The following CACNA1C variants were observed in gnomAD, a reference collection of about 807,000 sequenced individuals.
The protein encoded by CACNA1C is voltage-dependent L-type calcium channel subunit alpha-1C.
Under a neutral mutation model 229.0 loss-of-function variants are expected in CACNA1C, and 30 were observed. The observed-to-expected ratio is 0.13, with a 90% CI of 0.10 to 0.18. The LOEUF (loss-of-function observed/expected upper bound fraction) is 0.18, where lower values mean the gene tolerates loss of function less well. Ranked by LOEUF, CACNA1C falls within the 10% of genes least tolerant of loss-of-function variation. The pLI is 1.00. For missense variants in CACNA1C, 1,658 were observed against 2,845.0 expected, an observed-to-expected ratio of 0.58 and a Z score of 9.49; for synonymous variants, 1,114 against 1,132.5, an observed-to-expected ratio of 0.98 and a Z score of 0.33.
At chr12:2,281,834 A>C (rs2091357103) in intron 3 of CACNA1C, among the ~76,000 whole-genome samples, 1 of 152,146 alleles carries the variant, frequency 6.6e-6, no homozygotes, top group African/African-American at 2.4e-5. Flanking sequence ...TAAAATTAAA[A>C]TTGATAAATT....
intron 3 of CACNA1C, among the ~76,000 whole-genome samples, chr12:2,203,627 G>A (rs1411976415): frequency 6.6e-6 from 1 of 152,166 alleles, no homozygotes; most frequent in Non-Finnish European, 1.5e-5. Flanking sequence ...GCATTCTTAG[G>A]AGGGTTTTCT....
chr12:2,474,531 G>C (rs1242018413), intron 5 of CACNA1C, among the ~76,000 whole-genome samples: 1 of 152,166 alleles, frequency 6.6e-6, no homozygotes, highest in Non-Finnish European at 1.5e-5. Flanking sequence ...GAGGCAGGCA[G>C]ATCACTTGAG....
chr12:2,272,385 T>C (rs949056345), intron 3 of CACNA1C, among the ~76,000 whole-genome samples: 2 of 152,224 alleles, frequency 1.3e-5, no homozygotes, highest in Non-Finnish European at 2.9e-5. Context: ...CACCATCCTC[T>C]GCCTCCTGCC....
At chr12:2,292,651 G>T (rs771408149) in intron 3 of CACNA1C, among the ~76,000 whole-genome samples, 1 of 152,234 alleles carries the variant, frequency 6.6e-6, no homozygotes, top group Non-Finnish European at 1.5e-5. Flanking sequence ...AGGGACTGAA[G>T]GGATGTGCAG....
At chr12:2,004,385 A>C in intron 1 of CACNA1C, 2 of 1,612,676 alleles carry the variant, frequency 1.2e-6, no homozygotes, top group Non-Finnish European at 1.7e-6. Flanking sequence ...CGCTAGGCTG[A>C]TGTCGCGCCC....
intron 29 of CACNA1C, among the ~76,000 whole-genome samples, chr12:2,616,430 C>T (rs1251388567): frequency 6.6e-6 from 1 of 152,200 alleles, no homozygotes; most frequent in Non-Finnish European, 1.5e-5. Context: ...TCGCCCTGGC[C>T]GAGTGAGTTT....
intron 1 of CACNA1C, among the ~76,000 whole-genome samples, chr12:2,074,550 G>A (rs919572960): frequency 5.3e-5 from 8 of 152,082 alleles, no homozygotes; most frequent in Admixed American, 2.0e-4. Flanking sequence ...CTCCTCTGGG[G>A]TCTCCTCTGG....
At chr12:2,462,825 G>A (rs1234849864) in intron 5 of CACNA1C, among the ~76,000 whole-genome samples, 1 of 151,784 alleles carries the variant, frequency 6.6e-6, no homozygotes, top group East Asian at 1.9e-4. Context: ...GATATGTAGG[G>A]TTTTTCTTAC....
chr12:2,010,184 A>T (rs564824367), intron 1 of CACNA1C, among the ~76,000 whole-genome samples: 1 of 152,376 alleles, frequency 6.6e-6, no homozygotes, highest in Non-Finnish European at 1.5e-5. Flanking sequence ...AGGGCAGCAC[A>T]TTCCCAATAT....
At chr12:2,008,286 G>T (rs1479968919) in intron 1 of CACNA1C, among the ~76,000 whole-genome samples, 1 of 151,998 alleles carries the variant, frequency 6.6e-6, no homozygotes, top group East Asian at 1.9e-4. Context: ...CCCGGCCAAT[G>T]TTTTTTATAT....
At chr12:2,361,950 G>A (rs1233929373) in intron 3 of CACNA1C, among the ~76,000 whole-genome samples, 1 of 152,238 alleles carries the variant, frequency 6.6e-6, no homozygotes, top group Admixed American at 6.5e-5. Context: ...GAGACCGACT[G>A]TGATCTTGAT....
chr12:2,141,172 G>A (rs866774473), intron 3 of CACNA1C, among the ~76,000 whole-genome samples: 8 of 151,186 alleles, frequency 5.3e-5, no homozygotes, highest in Non-Finnish European at 1.0e-4. Flanking sequence ...TGGGGTTGGA[G>A]GGGCAGACAG....
chr12:2,315,041 C>G (rs774068761), intron 3 of CACNA1C, among the ~76,000 whole-genome samples: 6 of 152,186 alleles, frequency 3.9e-5, no homozygotes, highest in Non-Finnish European at 8.8e-5. Flanking sequence ...TTCTTGATTC[C>G]TGGCCTAGTT....
At chr12:2,388,450 C>T (rs981272628) in intron 3 of CACNA1C, among the ~76,000 whole-genome samples, 7 of 152,148 alleles carry the variant, frequency 4.6e-5, no homozygotes, top group African/African-American at 1.7e-4. Context: ...GTCAATTATA[C>T]CTTAATAAAG....
At chr12:2,249,465 C>T (rs539903193) in intron 3 of CACNA1C, among the ~76,000 whole-genome samples, 1 of 152,318 alleles carries the variant, frequency 6.6e-6, no homozygotes, top group South Asian at 2.1e-4. Flanking sequence ...TATTTACTAC[C>T]TGACCCTTTA....
chr12:2,666,818 A>G lies in CACNA1C; in HGVS notation c.4623+36A>G. 7.8e-7 allele frequency: 1 copy of G among 1,277,666 alleles called. No homozygotes were observed. The allele number at this position is 1,277,666 out of a possible 1,614,324, so 79.1% of individuals were successfully genotyped here. On this transcript the variant is annotated intron_variant, in intron 37 of 46. Transcript: ENST00000399655. The surrounding 1 kb of genome is among the most constrained non-coding windows in gnomAD (Gnocchi z 5.3). ...ACGGGGTTCATGGGAGGGAGAGGGA[A>G]AATAGGGGAAGTGAAGTGCCCATTT...
chr12:1,981,082 A>G (rs1488887037), intron 1 of CACNA1C, among the ~76,000 whole-genome samples: 1 of 152,168 alleles, frequency 6.6e-6, no homozygotes, highest in Non-Finnish European at 1.5e-5. Flanking sequence ...TGAACTATTA[A>G]ATTTCCCATG....
chr12:2,381,845 T>G (rs557892816), intron 3 of CACNA1C, among the ~76,000 whole-genome samples: 5 of 152,342 alleles, frequency 3.3e-5, no homozygotes, highest in Admixed American at 3.3e-4. Flanking sequence ...ATGGGGATGC[T>G]TAAGAAAATC....
intron 18 of CACNA1C, among the ~76,000 whole-genome samples, chr12:2,591,728 G>C (rs945883786): frequency 6.6e-6 from 1 of 152,236 alleles, no homozygotes; most frequent in East Asian, 1.9e-4. Flanking sequence ...CACACACTGG[G>C]CAGCTTAAAC....
Sources: gnomAD v4.1 joint callset for allele counts (sites outside exome capture counted in the v4.1 genomes callset) on GRCh38, gnomAD v4.1.1 for gene constraint, Gnocchi (gnomAD v3.1) non-coding constraint, MANE v1.5 for transcripts, NCBI Gene and HGNC (gene_info 2026-07-23, HGNC 2026-07-21) for gene names.